NRCAM: variants seen among roughly 807,000 people sequenced by gnomAD.
NRCAM encodes the protein neuronal cell adhesion molecule.
Under a neutral mutation model 156.5 loss-of-function variants are expected in NRCAM, and 83 were observed. That is an observed-to-expected ratio of 0.53 (90% CI 0.44 to 0.64). The LOEUF (loss-of-function observed/expected upper bound fraction) is 0.64, where lower values mean the gene tolerates loss of function less well. Among genes scored for constraint, NRCAM ranks in the 30% least tolerant of loss-of-function variants. The pLI, the probability that NRCAM is intolerant of heterozygous loss-of-function variation, is 0.00. For synonymous variants in NRCAM, 538 were observed against 563.9 expected, an observed-to-expected ratio of 0.95 and a Z score of 0.65; for missense variants, 1,417 against 1,597.3, an observed-to-expected ratio of 0.89 and a Z score of 1.92.
chr7:108,271,309 T>A (rs137978982), intron 3 of NRCAM, among the ~76,000 whole-genome samples: 7 of 151,840 alleles, frequency 4.6e-5, no homozygotes, highest in Non-Finnish European at 7.4e-5. Context: ...AAGGAAAAAA[T>A]AGTCTTCTGC....
chr7:108,272,055 G>A (rs1039760480), intron 3 of NRCAM, among the ~76,000 whole-genome samples: 1 of 152,132 alleles, frequency 6.6e-6, no homozygotes, highest in Non-Finnish European at 1.5e-5. Flanking sequence ...TGTATGTAAT[G>A]GAAACCTCAT....
intron 28 of NRCAM, 80 bp from the exon 29 acceptor site, chr7:108,168,482 C>A (rs1376630956): frequency 8.2e-7 from 1 of 1,223,526 alleles, no homozygotes; most frequent in East Asian, 2.9e-5. Context: ...TTTAAATACT[C>A]TGAAATTGTG....
chr7:108,179,325 G>A (rs996029816), intron 25 of NRCAM, among the ~76,000 whole-genome samples: 7 of 152,144 alleles, frequency 4.6e-5, no homozygotes, highest in Non-Finnish European at 7.3e-5. Context: ...AATGAGATGG[G>A]AGCTGGGATG....
chr7:108,205,469 A>T (rs1472223274), intron 13 of NRCAM, among the ~76,000 whole-genome samples: 1 of 152,190 alleles, frequency 6.6e-6, no homozygotes, highest in Non-Finnish European at 1.5e-5. Context: ...TGCTTATGTC[A>T]TCCACCCACA....
chr7:108,184,515 G>C lies in NRCAM; in HGVS notation c.2135C>G (p.Ser712Cys). The C allele has an allele frequency of 1.9e-6, 3 of 1,614,176 alleles. No homozygotes were observed. The South Asian group carries it at 3.3e-5, about 18-fold the overall frequency. Reference sequence around the variant, plus strand: ...GCGGAAGGAGTAGTTCACGTAAGGAGACAGCTTCAGCTGGGCTGTGGTCTG... The same window carrying C: ...GCGGAAGGAGTAGTTCACGTAAGGACACAGCTTCAGCTGGGCTGTGGTCTG... ...GTQTTAQLKL[S>C]PYVNYSFRVM... Residue 712 changes from serine (S) to cysteine (C), a missense_variant, in exon 21 of 33, where the codon TCT becomes TGT. Around this residue, in one of 2 missense-constraint regions of NRCAM, gnomAD observed 1,238 missense variants for 1,336.4 expected, o/e 0.93. Transcript: ENST00000379028.
intron 11 of NRCAM, among the ~76,000 whole-genome samples, chr7:108,216,288 G>A (rs1163014921): frequency 6.6e-6 from 1 of 152,208 alleles, no homozygotes; most frequent in Non-Finnish European, 1.5e-5. Context: ...TCCGCTGTTA[G>A]TCTGATGGGC....
rs2154396591 is a variant in NRCAM at position 108,401,605 on chromosome 7, A to G, written c.-331-2012T>C. Among the ~76,000 whole-genome samples the G allele has an allele frequency of 1.3e-5, 2 of 152,298 alleles. 1 individual carries two copies. The highest frequency in any genetic ancestry group is 4.2e-4 in the South Asian group (2 of 4,816). Reference sequence around the variant, plus strand: ...AACTACTGAGCACCTTCTATGAGCTAGACACTGTGCCAAGAAGTGCTTTCG... The same window carrying G: ...AACTACTGAGCACCTTCTATGAGCTGGACACTGTGCCAAGAAGTGCTTTCG... On this transcript the variant is annotated intron_variant, in intron 1 of 32. Transcript: ENST00000379028.
At chr7:108,307,680 CA>C (rs796191425) in intron 3 of NRCAM, among the ~76,000 whole-genome samples, 194 of 126,926 alleles carry the variant, frequency 1.5e-3, no homozygotes, top group Middle Eastern at 3.9e-3. Context: ...CAAAGCAAAG[CA>C]AAAAAAAAAA....
chr7:108,207,140 G>C (rs1588223847), intron 13 of NRCAM: 1 of 163,088 alleles, frequency 6.1e-6, no homozygotes, highest in East Asian at 1.8e-4. Flanking sequence ...ATATCCATTG[G>C]CTCTATGCCG....
rs577340181 is a variant in NRCAM, at chr7:108,421,817, C to A, written c.-331-22224G>T. ...CAAACTGCACAGTTTATTTTGAGAA[C>A]TCTGTGGTTTTAGTTTAGGATTTTA... On this transcript the variant is annotated intron_variant, in intron 1 of 32. Transcript: ENST00000379028. Among the ~76,000 whole-genome samples, 38 of 152,286 alleles carry A rather than the reference C, an allele frequency of 2.5e-4. 1 individual carries two copies. In the South Asian group the frequency reaches 7.7e-3, roughly 31 times the overall value.
chr7:108,389,138 A>G (rs2099751374), intron 2 of NRCAM, among the ~76,000 whole-genome samples: 2 of 152,122 alleles, frequency 1.3e-5, no homozygotes, highest in Non-Finnish European at 2.9e-5. Context: ...GAATCTATAA[A>G]TTACCTTGGG....
chr7:108,186,600 A>G (rs2066937097), intron 20 of NRCAM, among the ~76,000 whole-genome samples: 3 of 152,168 alleles, frequency 2.0e-5, no homozygotes, highest in South Asian at 2.1e-4. Flanking sequence ...TTCTCGGTTC[A>G]TGGTGTACTT....
chr7:108,429,877 T>A (rs1822656595), intron 1 of NRCAM, among the ~76,000 whole-genome samples: 2 of 151,956 alleles, frequency 1.3e-5, no homozygotes, highest in South Asian at 4.2e-4. Flanking sequence ...GAGTAAGTGG[T>A]GAGGAGGTGA....
chr7:108,405,670 G>A (rs2099805219), intron 1 of NRCAM, among the ~76,000 whole-genome samples: 1 of 152,134 alleles, frequency 6.6e-6, no homozygotes, highest in African/African-American at 2.4e-5. Flanking sequence ...CAAAGAGGAG[G>A]GAAAGCCACT....
intron 3 of NRCAM, among the ~76,000 whole-genome samples, chr7:108,267,097 A>G (rs2097136433): frequency 6.6e-6 from 1 of 152,212 alleles, no homozygotes; most frequent in African/African-American, 2.4e-5. Context: ...CACACACAGC[A>G]GATTGCATTA....
At chr7:108,371,542 A>C (rs1197462126) in intron 2 of NRCAM, among the ~76,000 whole-genome samples, 2 of 152,170 alleles carry the variant, frequency 1.3e-5, no homozygotes, top group East Asian at 3.8e-4. Context: ...TTGATGCTAG[A>C]AAAGTGTTCT....
chr7:108,335,814 C>A (rs903323346), intron 2 of NRCAM, among the ~76,000 whole-genome samples: 1 of 152,164 alleles, frequency 6.6e-6, no homozygotes, highest in African/African-American at 2.4e-5. Flanking sequence ...ATCCATCACT[C>A]TATTAACTAT....
chr7:108,191,609 G>C, intron 18 of NRCAM, 120 bp downstream of exon 18: 1 of 1,215,520 alleles, frequency 8.2e-7, no homozygotes, highest in South Asian at 1.8e-5. Context: ...AAAAACATGG[G>C]TATGAACTCA....
intron 2 of NRCAM, among the ~76,000 whole-genome samples, chr7:108,335,740 A>T (rs181331010): frequency 3.3e-5 from 5 of 152,242 alleles, no homozygotes; most frequent in Admixed American, 3.3e-4. Flanking sequence ...CTATAAACTG[A>T]ACAGTGTCCT....
Sources: allele counts gnomAD v4.1 joint callset (sites outside exome capture counted in the v4.1 genomes callset), GRCh38; gene constraint gnomAD v4.1.1; regional missense constraint gnomAD v4.1.1; transcripts MANE v1.5; gene names NCBI Gene and HGNC (gene_info 2026-07-23, HGNC 2026-07-21).